SPATA25: variants seen among roughly 807,000 people sequenced by gnomAD.
SPATA25 encodes the protein spermatogenesis associated 25.
SPATA25 carries 16 observed loss-of-function variants against 16.0 expected under a neutral mutation model. The ratio of observed to expected loss-of-function variants is 1.00; its 90% CI spans 0.68 to 1.52. The LOEUF is 1.52. Among genes scored for constraint, SPATA25 ranks in the 40% most tolerant of loss-of-function variants. The pLI, the probability that SPATA25 is intolerant of heterozygous loss-of-function variation, is 0.00. For missense variants in SPATA25, 285 were observed against 289.2 expected (o/e 0.99, Z 0.11); for synonymous variants, 115 against 118.5 (o/e 0.97, Z 0.19).
chr20:45,890,698 C>G (rs769489400), upstream of SPATA25: 1 of 1,613,788 alleles, frequency 6.2e-7, no homozygotes, highest in Non-Finnish European at 8.5e-7. Flanking sequence ...GCAGAGAAAA[C>G]TCGGGAACGG....
At chr20:45,890,925 G>A, upstream of SPATA25, 1 of 1,536,296 alleles carries the variant, frequency 6.5e-7, no homozygotes, top group Non-Finnish European at 8.8e-7. Context: ...AAGCGGGTGG[G>A]AGGGGGCTCC....
At chr20:45,887,685 C>T (rs771042831), upstream of SPATA25, 27 of 1,177,556 alleles carry the variant, frequency 2.3e-5, no homozygotes, top group Non-Finnish European at 3.2e-5. Flanking sequence ...AGACCCTCCC[C>T]TTCACACTTG....
upstream of SPATA25, chr20:45,887,644 C>T (rs1306558109): frequency 2.6e-6 from 4 of 1,549,536 alleles, no homozygotes; most frequent in Non-Finnish European, 3.6e-6. Context: ...GCCTGTCCTC[C>T]CTTCTTCACC....
At chr20:45,889,076 T>C (rs1986604607), upstream of SPATA25, among the ~76,000 whole-genome samples, 1 of 152,196 alleles carries the variant, frequency 6.6e-6, no homozygotes, top group Non-Finnish European at 1.5e-5. Context: ...GTTTATATCA[T>C]AACACTTAGC....
upstream of SPATA25, chr20:45,890,700 C>A (rs773009939): frequency 6.2e-7 from 1 of 1,613,756 alleles, no homozygotes; most frequent in African/African-American, 1.3e-5. Context: ...AGAGAAAACT[C>A]GGGAACGGGG....
At chr20:45,890,298 C>T (rs762537945), upstream of SPATA25, 13 of 1,613,522 alleles carry the variant, frequency 8.1e-6, no homozygotes, top group Admixed American at 6.7e-5. Context: ...GAAGCAAACA[C>T]GTCCACCACC....
upstream of SPATA25, chr20:45,890,090 G>A: frequency 2.7e-6 from 2 of 736,366 alleles, no homozygotes; most frequent in South Asian, 3.6e-5. Context: ...CCATGTAGAG[G>A]CTTGTGCAAG....
chr20:45,887,178 C>T, intron 1 of SPATA25, 33 bp from the exon 2 acceptor site: 2 of 1,551,346 alleles, frequency 1.3e-6, no homozygotes, highest in Non-Finnish European at 1.7e-6. Context: ...GAACGTTATT[C>T]TCAGTTCTTT....
chr20:45,886,863 G>A lies in SPATA25; in HGVS notation c.338C>T (p.Ala113Val), dbSNP rs949279163. The A allele has an allele frequency of 6.2e-7, 1 of 1,613,978 alleles. No homozygotes were observed. The highest frequency in any genetic ancestry group is 1.3e-5 in the African/African-American group (1 of 75,066). Reference protein sequence around the residue: ...GWDNGYSRSRAPDLGGPSRPR... With the variant: ...GWDNGYSRSRVPDLGGPSRPR... ...CCTGCTGGGGCCACCCAGGTCAGGG[G>A]CTCTGCTTCTGGAGTAGCCATTGTC... The change falls in exon 2 of 2, where the codon GCC becomes GTC. Residue 113 changes from alanine (A) to valine (V), a missense_variant. Physicochemically the swap from Ala to Val is moderately conservative, Grantham distance 64 (BLOSUM62 0). Coordinates refer to ENST00000372519, the MANE Select transcript of SPATA25 (RefSeq NM_080608.4).
rs774142145 is a variant in SPATA25, at chr20:45,887,547, G to A, written c.44C>T (p.Pro15Leu). The A allele has an allele frequency of 3.1e-6, 5 of 1,613,644 alleles. No individual in the cohort carries two copies. In the African/African-American group the frequency reaches 4.0e-5, roughly 13 times the overall value. Residue 15 changes from proline to leucine, a missense_variant, in exon 1 of 2, where the codon CCT becomes CTT. Physicochemically the swap from Pro to Leu is moderately conservative, Grantham distance 98 (BLOSUM62 -3). Coordinates refer to ENST00000372519, the MANE Select transcript of SPATA25 (RefSeq NM_080608.4). ...RTPQTHPGPLPSGQGGAASPG... is the reference protein window; with the variant it reads ...RTPQTHPGPLLSGQGGAASPG... ...TGCCCCCCGCTCACCTTGGCCGGAA[G>A]GCAGAGGACCTGGATGAGTTTGTGG...
upstream of SPATA25, chr20:45,888,977 G>T: frequency 7.3e-7 from 1 of 1,370,856 alleles, no homozygotes; most frequent in Non-Finnish European, 1.0e-6. Context: ...TTAAATGTGG[G>T]CAAGTCCTTA....
In SPATA25 at chr20:45,887,087, C is replaced by A; in HGVS notation, c.114G>T (p.Val38=). The A allele has an allele frequency of 6.2e-7, 1 of 1,605,856 alleles. No homozygotes were observed. Among genetic ancestry groups the A allele is most frequent in the Non-Finnish European group, 8.5e-7 (1 of 1,179,944 alleles). ...LGLCSPVEPV[V]VASGGTGPLS... is the part of the protein sequence containing the mutation. ...GTGGGCCTGTTCCACCAGAGGCCAC[C>A]ACCACTGGCTCTACAGGACTACAGA... Residue 38 remains valine, a synonymous_variant, in exon 2 of 2, where the codon GTG becomes GTT. Transcript: ENST00000372519.
rs541634704 is a variant in SPATA25 at position 45,886,756 on chromosome 20, G to C, written c.445C>G (p.Gln149Glu). ...AGGGTGAGGATGCAGATATCAGGCTGGGAGCTGGCCTCCTTCCCCACTGCC... is the reference window on the plus strand; with the variant it reads ...AGGGTGAGGATGCAGATATCAGGCTCGGAGCTGGCCTCCTTCCCCACTGCC... ...SEAVGKEASSQPDICILTLAM... is the reference protein window; with the variant it reads ...SEAVGKEASSEPDICILTLAM... The change falls in exon 2 of 2, where the codon CAG becomes GAG. Residue 149 changes from glutamine (Q) to glutamate (E), a missense_variant. Transcript: ENST00000372519. 7 of 1,614,058 alleles carry C rather than the reference G, an allele frequency of 4.3e-6. No homozygotes were observed. Among genetic ancestry groups the C allele is most frequent in the Non-Finnish European group, 5.9e-6 (7 of 1,180,042 alleles).
intron 1 of SPATA25, 125 bp downstream of exon 1, chr20:45,887,411 T>C: frequency 2.1e-6 from 2 of 963,506 alleles, no homozygotes; most frequent in Non-Finnish European, 3.0e-6. Context: ...GCTTTTCTTC[T>C]AAAAGAATTG....
upstream of SPATA25, chr20:45,890,966 T>A: frequency 6.7e-7 from 1 of 1,499,398 alleles, no homozygotes; most frequent in Non-Finnish European, 8.9e-7. Flanking sequence ...TGCACCCGAA[T>A]CCACGGGCTC....
Position 45,887,033 on chromosome 20 carries a change from A to C in SPATA25, c.168T>G (p.Pro56=). The change falls in exon 2 of 2, where the codon CCT becomes CCG. Residue 56 remains proline (P), a synonymous_variant. Coordinates refer to ENST00000372519, the MANE Select transcript of SPATA25 (RefSeq NM_080608.4). ...PLSQKAEQVA[P]AAQAWGPALA... ...GGGCTGGGCCCCAGGCCTGGGCAGC[A>C]GGTGCCACCTGCTCAGCTTTCTGGC... 1 of 1,612,218 alleles carries C rather than the reference A, an allele frequency of 6.2e-7. No homozygotes were observed. Among genetic ancestry groups the C allele is most frequent in the South Asian group, 1.1e-5 (1 of 91,082 alleles).
At chr20:45,890,883 C>A (rs1007752268), upstream of SPATA25, 1 of 1,567,852 alleles carries the variant, frequency 6.4e-7, no homozygotes, top group Non-Finnish European at 8.7e-7. Context: ...CCAGAGGGGT[C>A]CACGCGGATG....
upstream of SPATA25, chr20:45,890,166 A>G (rs1195980205): frequency 2.0e-6 from 3 of 1,470,710 alleles, no homozygotes; most frequent in Non-Finnish European, 2.8e-6. Context: ...GGACAGACGA[A>G]GGCCTAGCAC....
upstream of SPATA25, chr20:45,890,963 G>C: frequency 6.7e-7 from 1 of 1,501,800 alleles, no homozygotes; most frequent in African/African-American, 1.4e-5. Flanking sequence ...GAGTGCACCC[G>C]AATCCACGGG....
Sources: allele counts gnomAD v4.1 joint callset (sites outside exome capture counted in the v4.1 genomes callset), GRCh38; gene constraint gnomAD v4.1.1; transcripts MANE v1.5; gene names NCBI Gene and HGNC (gene_info 2026-07-23, HGNC 2026-07-21).